The following GALNT13 variants were observed in gnomAD, a reference collection of about 807,000 sequenced individuals.
GALNT13 encodes UDP-GalNAc:polypeptide N-acetylgalactosaminyltransferase 13.
Under a neutral mutation model 64.2 loss-of-function variants are expected in GALNT13, and 28 were observed. That is an observed-to-expected ratio of 0.44 (90% CI 0.32 to 0.60). The LOEUF is 0.60. GALNT13 is among the 20% of genes least tolerant of loss of function. The pLI, the probability that GALNT13 is intolerant of heterozygous loss-of-function variation, is 0.05. For missense variants in GALNT13, 577 were observed against 669.8 expected (o/e 0.86, Z 1.53); for synonymous variants, 214 against 224.6 (o/e 0.95, Z 0.42).
At chr2:153,387,531 TTTTTC>T in the GALNT13 span, among the ~76,000 whole-genome samples, 5 of 152,100 alleles carry the variant, frequency 3.3e-5, no homozygotes, top group Admixed American at 1.3e-4. Flanking sequence ...CATCAAGGTA[TTTTTC>T]TTTTCTTTAG....
chr2:153,218,530 A>G, the GALNT13 span, among the ~76,000 whole-genome samples: 1 of 152,088 alleles, frequency 6.6e-6, no homozygotes, highest in Non-Finnish European at 1.5e-5. Flanking sequence ...TCTGGGTGAT[A>G]GGGAAGAAGG....
the GALNT13 span, among the ~76,000 whole-genome samples, chr2:153,673,592 C>A: frequency 8.3e-3 from 1,258 of 151,906 alleles, 9 homozygotes; most frequent in Middle Eastern, 0.058. Flanking sequence ...ACAAACCACG[C>A]CAATATCATA....
At position 153,944,419 on chromosome 2, in the gene GALNT13, G is replaced by T; in HGVS notation, c.-79G>T. ...TGGAATGTATCCTGCTTTCATCTTG[G>T]AGTTCACCTGTGTGGCTTGGATTTA... On this transcript the variant is annotated 5_prime_UTR_variant, in exon 3 of 13. It introduces an in-frame stop codon into an upstream open reading frame of the 5' UTR. Transcript: ENST00000392825. 8 of 1,289,154 alleles carry T rather than the reference G, an allele frequency of 6.2e-6. No homozygotes were observed. Among genetic ancestry groups the T allele is most frequent in the Admixed American group, 2.0e-5 (1 of 51,256 alleles). 79.9% of individuals were successfully genotyped at this position (1,289,154 alleles called of 1,614,324 possible). A position where few individuals can be genotyped will look rare whatever the true frequency, so the allele number is the denominator to read the frequency against.
the GALNT13 span, among the ~76,000 whole-genome samples, chr2:153,086,718 T>A: frequency 0.025 from 3,119 of 127,150 alleles, 114 homozygotes; most frequent in African/African-American, 0.074. Flanking sequence ...ATTTTATTTA[T>A]TTTATTTTAT....
the GALNT13 span, among the ~76,000 whole-genome samples, chr2:153,714,956 T>C: frequency 6.6e-6 from 1 of 152,214 alleles, no homozygotes; most frequent in Admixed American, 6.5e-5. Flanking sequence ...ATTCAAATGC[T>C]ACTTGGAAAT....
At chr2:154,082,854 T>G (rs1701340594) in intron 3 of GALNT13, among the ~76,000 whole-genome samples, 1 of 152,062 alleles carries the variant, frequency 6.6e-6, no homozygotes, top group Admixed American at 6.6e-5. Flanking sequence ...CCTCCTATTC[T>G]GTAGGTTGCC....
intron 4 of GALNT13, among the ~76,000 whole-genome samples, chr2:154,213,720 A>T (rs1687898063): frequency 6.6e-6 from 1 of 152,116 alleles, no homozygotes; most frequent in Admixed American, 6.6e-5. Flanking sequence ...ATTTTTCTGA[A>T]AGAAGGGAGT....
the GALNT13 span, among the ~76,000 whole-genome samples, chr2:153,823,954 A>G: frequency 3.9e-5 from 6 of 152,344 alleles, no homozygotes; most frequent in East Asian, 1.2e-3. Flanking sequence ...AATGTGGGCA[A>G]AGGATATAAA....
At chr2:154,311,404 A>G (rs192046015) in intron 9 of GALNT13, among the ~76,000 whole-genome samples, 25 of 152,228 alleles carry the variant, frequency 1.6e-4, no homozygotes, top group African/African-American at 5.5e-4. Context: ...GTGATGCCCC[A>G]CAAGCCACAA....
intron 11 of GALNT13, among the ~76,000 whole-genome samples, chr2:154,427,570 G>A (rs568452766): frequency 4.1e-4 from 63 of 152,318 alleles, no homozygotes; most frequent in Non-Finnish European, 7.2e-4. Context: ...ATATTGAGGT[G>A]AAAGCAGAAA....
intron 4 of GALNT13, among the ~76,000 whole-genome samples, chr2:154,197,227 G>T (rs890621148): frequency 1.3e-5 from 2 of 151,684 alleles, no homozygotes; most frequent in Middle Eastern, 3.4e-3. Context: ...AAAAGAAAAA[G>T]AAAAAAGAAA....
At chr2:154,235,703 T>A (rs184184309) in intron 4 of GALNT13, among the ~76,000 whole-genome samples, 140 of 152,274 alleles carry the variant, frequency 9.2e-4, no homozygotes, top group African/African-American at 3.2e-3. Flanking sequence ...TTGACAGCCT[T>A]TGTTTGGAGT....
At chr2:153,117,936 T>A in the GALNT13 span, among the ~76,000 whole-genome samples, 1 of 152,196 alleles carries the variant, frequency 6.6e-6, no homozygotes, top group Non-Finnish European at 1.5e-5. Flanking sequence ...TTCCTAGAAC[T>A]GTCATTGTTC....
the GALNT13 span, among the ~76,000 whole-genome samples, chr2:153,470,312 C>G: frequency 6.6e-6 from 1 of 152,060 alleles, no homozygotes; most frequent in Non-Finnish European, 1.5e-5. Context: ...TTGAATAGAA[C>G]CAACTCTCCT....
chr2:153,861,781 G>A, the GALNT13 span, among the ~76,000 whole-genome samples: 1 of 151,934 alleles, frequency 6.6e-6, no homozygotes. Flanking sequence ...TCACCATGTT[G>A]GCCAGGTTGG....
At chr2:154,288,594 G>A (rs1021887345) in intron 8 of GALNT13, among the ~76,000 whole-genome samples, 2 of 152,146 alleles carry the variant, frequency 1.3e-5, no homozygotes, top group Non-Finnish European at 2.9e-5. Flanking sequence ...AGAAAATACG[G>A]CTGTTCCAAA....
chr2:154,024,784 T>G (rs1697820672), intron 3 of GALNT13, among the ~76,000 whole-genome samples: 2 of 152,218 alleles, frequency 1.3e-5, no homozygotes, highest in Admixed American at 6.5e-5. Context: ...TTTTAGAGTT[T>G]CCAGTTTTTC....
chr2:153,636,682 T>C, the GALNT13 span, among the ~76,000 whole-genome samples: 2 of 152,144 alleles, frequency 1.3e-5, no homozygotes. Context: ...CTCTTCCTTC[T>C]AGTAGGGCCA....
the GALNT13 span, among the ~76,000 whole-genome samples, chr2:153,458,323 C>T: frequency 1.6e-4 from 25 of 152,258 alleles, 1 homozygote; most frequent in East Asian, 4.6e-3. Flanking sequence ...CTGTGAACCT[C>T]TCATGACTTC....
Sources: allele counts gnomAD v4.1 joint callset (sites outside exome capture counted in the v4.1 genomes callset), GRCh38; gene constraint gnomAD v4.1.1; transcripts MANE v1.5; gene names NCBI Gene and HGNC (gene_info 2026-07-23, HGNC 2026-07-21).